HDAC8: variants seen among roughly 807,000 people sequenced by gnomAD.
HDAC8 encodes histone deacetylase-like 1.
A neutral mutation model predicts 32.2 loss-of-function variants in HDAC8; 1 was observed. That is an observed-to-expected ratio of 0.03 (90% CI 0.01 to 0.15). HDAC8 has a LOEUF of 0.15. Ranked by LOEUF, HDAC8 falls within the 10% of genes least tolerant of loss-of-function variation. HDAC8 has a pLI of 1.00. For synonymous variants in HDAC8, 108 were observed against 113.9 expected (o/e 0.95, Z 0.33); for missense variants, 117 against 300.0 (o/e 0.39, Z 4.51).
intron 7 of HDAC8, chrX:72,467,846 T>C (rs963742896): frequency 5.0e-5 from 36 of 725,215 alleles, no homozygotes; most frequent in Non-Finnish European, 7.0e-5. Flanking sequence ...ATTGATCGGG[T>C]AATACAGAGT....
At chrX:72,571,037 G>C (rs1426979441) in intron 2 of HDAC8, among the ~76,000 whole-genome samples, 2 of 111,849 alleles carry the variant, frequency 1.8e-5, no homozygotes, top group African/African-American at 6.5e-5. Flanking sequence ...CCATTCTCCT[G>C]CCTCAGCCTC....
At chrX:72,540,654 C>G (rs1043563093) in intron 4 of HDAC8, among the ~76,000 whole-genome samples, 1 of 111,312 alleles carries the variant, frequency 9.0e-6, no homozygotes, top group Non-Finnish European at 1.9e-5. Context: ...TGGAACCTCT[C>G]ACCTTCTCTC....
chrX:72,364,221 A>G (rs1354866090), intron 9 of HDAC8, among the ~76,000 whole-genome samples: 3 of 111,256 alleles, frequency 2.7e-5, no homozygotes, highest in Non-Finnish European at 1.9e-5. Flanking sequence ...CTTCTCTCTC[A>G]TAACCACTGC....
At chrX:72,477,568 T>G (rs1239037368) in intron 7 of HDAC8, among the ~76,000 whole-genome samples, 1 of 112,000 alleles carries the variant, frequency 8.9e-6, no homozygotes, top group East Asian at 2.8e-4. Context: ...GTGCAGCTCA[T>G]CAAAATATAA....
chrX:72,552,788 A>T (rs1009336346), intron 4 of HDAC8, among the ~76,000 whole-genome samples: 40 of 101,793 alleles, frequency 3.9e-4, no homozygotes, highest in African/African-American at 1.5e-3. Flanking sequence ...GAAAAAAAAA[A>T]AAATATATAT....
At chrX:72,468,806 A>T (rs1455772798) in intron 7 of HDAC8, among the ~76,000 whole-genome samples, 2 of 112,080 alleles carry the variant, frequency 1.8e-5, no homozygotes, top group African/African-American at 3.2e-5. Context: ...TCATTCATTC[A>T]TTTCATTCAT....
At position 72,496,636 on chromosome X, in the gene HDAC8, C is replaced by T. The variant is rs186646807; in HGVS notation, c.438-1368G>A. On this transcript the variant is annotated intron_variant, in intron 4 of 10. Coordinates refer to ENST00000373573, the MANE Select transcript of HDAC8 (RefSeq NM_018486.3). ...GATAATTTGCTGACCTTCTGAACAT[C>T]AATAACTTTTAGGTAGATGGGACGG... is the stretch of plus-strand genomic sequence containing the variant. Among the ~76,000 whole-genome samples, 118 of 110,722 alleles carry T rather than the reference C, an allele frequency of 1.1e-3. 5 individuals are homozygous for T. In the Admixed American group the frequency reaches 0.011, roughly 10 times the overall value.
chrX:72,529,561 A>AG (rs1263742309), intron 4 of HDAC8, among the ~76,000 whole-genome samples: 1 of 112,348 alleles, frequency 8.9e-6, no homozygotes, highest in Non-Finnish European at 1.9e-5. Context: ...TTAGCCCTGT[A>AG]AGACTCATTT....
chrX:72,432,143 TA>T (rs1202891277), intron 9 of HDAC8, among the ~76,000 whole-genome samples: 4 of 110,890 alleles, frequency 3.6e-5, no homozygotes, highest in Non-Finnish European at 7.6e-5. Context: ...ATTAATTTTT[TA>T]TTTTTTTTTT....
intron 7 of HDAC8, among the ~76,000 whole-genome samples, chrX:72,469,452 C>G (rs1251231569): frequency 5.3e-5 from 6 of 112,577 alleles, no homozygotes; most frequent in African/African-American, 1.9e-4. Flanking sequence ...GCCATCATGC[C>G]CAGCTCAGCC....
chrX:72,529,505 T>C (rs1160862673), intron 4 of HDAC8, among the ~76,000 whole-genome samples: 2 of 111,715 alleles, frequency 1.8e-5, no homozygotes, highest in African/African-American at 6.5e-5. Context: ...AACAGATTTT[T>C]CCCTAGAGCC....
chrX:72,345,422 G>T (rs1342284167), intron 10 of HDAC8, among the ~76,000 whole-genome samples: 3 of 111,062 alleles, frequency 2.7e-5, no homozygotes, highest in African/African-American at 9.8e-5. Flanking sequence ...CGTGATTAGG[G>T]CATGTTACAC....
At chrX:72,553,638 T>C (rs782294016) in intron 4 of HDAC8, among the ~76,000 whole-genome samples, 1 of 111,922 alleles carries the variant, frequency 8.9e-6, no homozygotes, top group East Asian at 2.8e-4. Flanking sequence ...CTGTGGGTGA[T>C]TGGTTCCAGG....
At chrX:72,429,666 C>A (rs1555976829) in intron 9 of HDAC8, among the ~76,000 whole-genome samples, 1 of 112,390 alleles carries the variant, frequency 8.9e-6, no homozygotes, top group South Asian at 3.7e-4. Flanking sequence ...GTCCTTTAAG[C>A]CAGCACAGCT....
At chrX:72,386,752 C>G (rs142594462) in intron 9 of HDAC8, among the ~76,000 whole-genome samples, 78 of 111,692 alleles carry the variant, frequency 7.0e-4, no homozygotes, top group African/African-American at 2.2e-3. Context: ...AGTGGTGAAG[C>G]TGGACTCCAA....
At chrX:72,373,038 G>C (rs2044931628) in intron 9 of HDAC8, among the ~76,000 whole-genome samples, 1 of 111,345 alleles carries the variant, frequency 9.0e-6, no homozygotes, top group South Asian at 3.8e-4. Flanking sequence ...CAATACAAGG[G>C]AGATACTATA....
At chrX:72,442,148 A>C (rs2047175781) in intron 9 of HDAC8, among the ~76,000 whole-genome samples, 1 of 111,316 alleles carries the variant, frequency 9.0e-6, no homozygotes, top group South Asian at 3.9e-4. Context: ...CAATCTAGTA[A>C]GGCAGGCCAA....
intron 4 of HDAC8, among the ~76,000 whole-genome samples, chrX:72,552,719 T>C (rs1267422249): frequency 9.2e-6 from 1 of 108,217 alleles, no homozygotes. Context: ...GCGGCTGCAG[T>C]AAACCATGAT....
At chrX:72,474,497 A>G (rs2048274582) in intron 7 of HDAC8, 1 of 1,066,424 alleles carries the variant, frequency 9.4e-7, no homozygotes. Flanking sequence ...TCGTTTTGTG[A>G]AAGTATAAAA....
Sources: allele counts gnomAD v4.1 joint callset (sites outside exome capture counted in the v4.1 genomes callset), GRCh38; gene constraint gnomAD v4.1.1; transcripts MANE v1.5; gene names NCBI Gene and HGNC (gene_info 2026-07-23, HGNC 2026-07-21).